The following MMS22L variants were observed in gnomAD, a reference collection of about 807,000 sequenced individuals.
MMS22L encodes the protein MMS22 like, DNA repair protein.
MMS22L carries 74 observed loss-of-function variants against 159.1 expected under a neutral mutation model. The observed-to-expected ratio is 0.47, with a 90% CI of 0.39 to 0.56. The LOEUF is 0.56. Ranked by LOEUF, MMS22L falls within the 20% of genes least tolerant of loss-of-function variation. The pLI, the probability that MMS22L is intolerant of heterozygous loss-of-function variation, is 0.00. For missense variants in MMS22L, 1,351 were observed against 1,422.1 expected (o/e 0.95, Z 0.80); for synonymous variants, 517 against 506.9 (o/e 1.02, Z -0.27).
At chr6:97,244,190 T>A (rs1812385191) in intron 11 of MMS22L, among the ~76,000 whole-genome samples, 1 of 152,166 alleles carries the variant, frequency 6.6e-6, no homozygotes, top group Non-Finnish European at 1.5e-5. Context: ...TTGAGTTGGT[T>A]GGCCTCCAGC....
intron 4 of MMS22L, among the ~76,000 whole-genome samples, chr6:97,275,955 G>T (rs748043875): frequency 1.6e-4 from 25 of 152,250 alleles, no homozygotes; most frequent in Non-Finnish European, 2.9e-4. Context: ...AGTGAGTCAT[G>T]ATCGCACCAC....
upstream of MMS22L, chr6:97,283,260 C>T (rs1355966856): frequency 1.3e-5 from 2 of 152,238 alleles, no homozygotes; most frequent in South Asian, 2.1e-4. Context: ...AATCGCCTCG[C>T]GATATCTGCG....
intron 14 of MMS22L, among the ~76,000 whole-genome samples, chr6:97,195,334 C>G (rs1806375582): frequency 6.6e-6 from 1 of 152,002 alleles, no homozygotes; most frequent in Non-Finnish European, 1.5e-5. Flanking sequence ...GGGTTCCAGA[C>G]CATGTAAGAT....
At position 97,144,904 on chromosome 6, in the gene MMS22L, T is replaced by C. The variant is rs1800835788; in HGVS notation, c.*1902A>G. 1.3e-5 allele frequency: 2 copies of C among 152,156 alleles called. No homozygotes were observed. The highest frequency in any genetic ancestry group is 3.4e-3 in the Middle Eastern group (1 of 292). The allele number at this position is 152,156 out of a possible 1,614,324, so 9.4% of individuals were successfully genotyped here. On this transcript the variant is annotated 3_prime_UTR_variant, in exon 25 of 25. Coordinates refer to ENST00000683635, the MANE Select transcript of MMS22L (RefSeq NM_001350599.2). ...AAATTTTAGTTATTCTTAGTATCTA[T>C]AGATATATGTCCTAAAGCATGATTC...
At position 97,201,626 on chromosome 6, in the gene MMS22L, C is replaced by T. The variant is rs531544093; in HGVS notation, c.2040-14936G>A. Among the ~76,000 whole-genome samples, 9 of 152,160 alleles carry T rather than the reference C, an allele frequency of 5.9e-5. 1 individual carries two copies. Among genetic ancestry groups the T allele is most frequent in the Non-Finnish European group, 7.4e-5 (5 of 68,022 alleles). ...TCCAGCACCAGCTATGCTGTAAAAC[C>T]GTGAATGTAATTTATATGGTGACCC... is the stretch of plus-strand genomic sequence containing the variant. On this transcript the variant is annotated intron_variant, in intron 14 of 24. Coordinates refer to ENST00000683635, the MANE Select transcript of MMS22L (RefSeq NM_001350599.2).
At chr6:97,167,926 AT>A in intron 20 of MMS22L, 144 bp downstream of exon 20, 1 of 760,496 alleles carries the variant, frequency 1.3e-6, no homozygotes, top group Non-Finnish European at 2.0e-6. Flanking sequence ...CATAAAAGCA[AT>A]TTAAAATATG....
chr6:97,190,129 G>A (rs1389377954), intron 14 of MMS22L, among the ~76,000 whole-genome samples: 1 of 152,088 alleles, frequency 6.6e-6, no homozygotes, highest in Non-Finnish European at 1.5e-5. Flanking sequence ...ATCTGCTGAA[G>A]GTACATTTAC....
chr6:97,215,106 A>G (rs1485986818), intron 14 of MMS22L, among the ~76,000 whole-genome samples: 1 of 81,588 alleles, frequency 1.2e-5, no homozygotes, highest in Non-Finnish European at 3.1e-5. Flanking sequence ...ATATATATAT[A>G]TATATATATT....
intron 11 of MMS22L, among the ~76,000 whole-genome samples, chr6:97,238,753 TTACATTTGGGCATAC>T (rs1186871736): frequency 6.9e-6 from 1 of 145,200 alleles, no homozygotes; most frequent in Non-Finnish European, 1.5e-5. Context: ...TGTACGCATA[TTACATTTGGGCATAC>T]TACATAGGTC....
At chr6:97,225,998 T>A (rs1021338210) in intron 14 of MMS22L, among the ~76,000 whole-genome samples, 17 of 152,176 alleles carry the variant, frequency 1.1e-4, no homozygotes, top group Admixed American at 9.8e-4. Context: ...TGGTATGAAA[T>A]TTGGTAACAT....
At chr6:97,172,250 A>G (rs1235119496) in intron 19 of MMS22L, among the ~76,000 whole-genome samples, 1 of 152,132 alleles carries the variant, frequency 6.6e-6, no homozygotes, top group African/African-American at 2.4e-5. Context: ...CTTTTCCTGT[A>G]ATTTACATCT....
intron 14 of MMS22L, among the ~76,000 whole-genome samples, chr6:97,194,074 T>C (rs1333496676): frequency 6.6e-6 from 1 of 151,036 alleles, no homozygotes; most frequent in Admixed American, 6.6e-5. Context: ...TTTGTTTATT[T>C]TTGAGACAGA....
At chr6:97,170,947 G>T (rs773229571) in intron 19 of MMS22L, among the ~76,000 whole-genome samples, 2 of 151,992 alleles carry the variant, frequency 1.3e-5, no homozygotes, top group Admixed American at 6.6e-5. Flanking sequence ...CAGAGGTTGC[G>T]GTGAGCTGAG....
chr6:97,269,307 T>C (rs1327399643), intron 7 of MMS22L, among the ~76,000 whole-genome samples: 1 of 152,116 alleles, frequency 6.6e-6, no homozygotes, highest in Non-Finnish European at 1.5e-5. Flanking sequence ...CTACAGTTAA[T>C]GCCTATATAT....
chr6:97,199,770 A>C (rs931171553), intron 14 of MMS22L, among the ~76,000 whole-genome samples: 2 of 151,900 alleles, frequency 1.3e-5, no homozygotes, highest in South Asian at 2.1e-4. Context: ...GATATTTTTT[A>C]AAGTGTTTAT....
intron 18 of MMS22L, among the ~76,000 whole-genome samples, chr6:97,174,262 A>AT (rs1237294829): frequency 6.8e-6 from 1 of 146,522 alleles, no homozygotes; most frequent in African/African-American, 2.6e-5. Flanking sequence ...AAAAAAAATA[A>AT]AAAAAAAAAA....
intron 14 of MMS22L, among the ~76,000 whole-genome samples, chr6:97,224,134 A>G (rs1809957720): frequency 6.6e-6 from 1 of 152,178 alleles, no homozygotes; most frequent in African/African-American, 2.4e-5. Flanking sequence ...GGCCAATAGC[A>G]CAACCCCCTA....
rs143927654 is a variant in MMS22L, at chr6:97,278,604, T to C, written c.340+245A>G. Among the ~76,000 whole-genome samples, 406 of 152,292 alleles carry C rather than the reference T, an allele frequency of 2.7e-3. 2 individuals carry two copies. The highest frequency in any genetic ancestry group is 9.2e-3 in the African/African-American group (382 of 41,564). On this transcript the variant is annotated intron_variant, in intron 4 of 24. Transcript: ENST00000683635. ...CTACCTCCAAAACAAGTACTAATTCTCTTCAGAGAATTTTAGCTTAAGTCG... is the reference window on the plus strand; with the variant it reads ...CTACCTCCAAAACAAGTACTAATTCCCTTCAGAGAATTTTAGCTTAAGTCG...
Position 97,165,397 on chromosome 6 carries a change from C to T in MMS22L, c.3070G>A (p.Gly1024Arg). ...CCAATATACTGCTCAATAACATTCCCTAGCAATTGATTCAAATAGGCATTC... is the reference window on the plus strand; with the variant it reads ...CCAATATACTGCTCAATAACATTCCTTAGCAATTGATTCAAATAGGCATTC... ...NPNAYLNQLL[G>R]NVIEQYIGRF... Residue 1024 changes from glycine to arginine, a missense_variant, in exon 21 of 25, where the codon GGG (glycine) becomes AGG (arginine). By Grantham distance (125) the Gly-to-Arg change is moderately radical. Coordinates refer to ENST00000683635, the MANE Select transcript of MMS22L (RefSeq NM_001350599.2). 4.3e-6 allele frequency: 7 copies of T among 1,613,150 alleles called. No individual in the cohort carries two copies. The highest frequency in any genetic ancestry group is 5.1e-6 in the Non-Finnish European group (6 of 1,179,542).
Sources: gnomAD v4.1 joint callset for allele counts (sites outside exome capture counted in the v4.1 genomes callset) on GRCh38, gnomAD v4.1.1 for gene constraint, MANE v1.5 for transcripts, NCBI Gene and HGNC (gene_info 2026-07-23, HGNC 2026-07-21) for gene names.